Variants in LRRC4C observed in about 807,000 individuals in gnomAD.
LRRC4C encodes leucine-rich repeat-containing protein 4C.
LRRC4C carries 5 observed loss-of-function variants against 33.6 expected under a neutral mutation model. That is an observed-to-expected ratio of 0.15 (90% CI 0.08 to 0.31). The LOEUF (loss-of-function observed/expected upper bound fraction) is 0.31. Among genes scored for constraint, LRRC4C ranks in the 10% least tolerant of loss-of-function variants. LRRC4C has a pLI of 1.00. For missense variants in LRRC4C, 560 were observed against 796.7 expected, an observed-to-expected ratio of 0.70 and a Z score of 3.58; for synonymous variants, 329 against 302.0, an observed-to-expected ratio of 1.09 and a Z score of -0.93.
chr11:40,558,934 A>G (rs1957436613), intron 3 of LRRC4C, among the ~76,000 whole-genome samples: 1 of 152,080 alleles, frequency 6.6e-6, no homozygotes. Context: ...TTTAGCTCCG[A>G]CTTGTAAGTG....
intron 1 of LRRC4C, among the ~76,000 whole-genome samples, chr11:41,431,759 C>T (rs1955244751): frequency 6.6e-6 from 1 of 152,040 alleles, no homozygotes; most frequent in Non-Finnish European, 1.5e-5. Context: ...TAAACACATG[C>T]AGATAACCAA....
In LRRC4C at chr11:40,320,834, A is replaced by T. The variant is rs138330435; in HGVS notation, c.-269-1113T>A. On this transcript the variant is annotated intron_variant, in intron 3 of 6. Coordinates refer to ENST00000528697, the MANE Select transcript of LRRC4C (RefSeq NM_001258419.2). ...ATGATCAGGAAGATTTTGTGGAAGC[A>T]AAACTCCCATGCTTAAATAAAGCCT... is the stretch of plus-strand genomic sequence containing the variant. 4.0e-3 allele frequency among the ~76,000 whole-genome samples: 603 copies of T among 152,320 alleles called. 7 individuals carry two copies. The highest frequency in any genetic ancestry group is 0.014 in the African/African-American group (576 of 41,572).
At chr11:40,907,808 C>T (rs766107164) in intron 2 of LRRC4C, among the ~76,000 whole-genome samples, 24 of 152,292 alleles carry the variant, frequency 1.6e-4, no homozygotes, top group East Asian at 1.2e-3. Context: ...TTCTCTAAGT[C>T]GCTTAAAAGC....
intron 3 of LRRC4C, among the ~76,000 whole-genome samples, chr11:40,491,868 G>A (rs1954177423): frequency 6.6e-6 from 1 of 152,094 alleles, no homozygotes; most frequent in South Asian, 2.1e-4. Context: ...ATTACACAGG[G>A]TGAGTACACC....
At chr11:40,150,509 C>T (rs1005007970) in intron 5 of LRRC4C, among the ~76,000 whole-genome samples, 8 of 152,338 alleles carry the variant, frequency 5.3e-5, no homozygotes, top group Non-Finnish European at 7.4e-5. Context: ...AGCTACATTG[C>T]GGTAGCATGA....
rs531525825 is a variant in LRRC4C, at chr11:40,911,778, AAAG to A, written c.-407+21854_-407+21856del. Among the ~76,000 whole-genome samples, 18 of 152,336 alleles carry A rather than the reference AAAG, an allele frequency of 1.2e-4. No individual in the cohort carries two copies. In the South Asian group the frequency reaches 3.5e-3, roughly 30 times the overall value. On this transcript the variant is annotated intron_variant, in intron 2 of 6. Coordinates refer to ENST00000528697, the MANE Select transcript of LRRC4C (RefSeq NM_001258419.2). Reference sequence around the variant, plus strand: ...AAAGGAGGAAGTTCGAACCCATGGCAAAGAAGTTAAAAACCTTGAAAACAGATT... The same window carrying A: ...AAAGGAGGAAGTTCGAACCCATGGCAAAGTTAAAAACCTTGAAAACAGATT...
At chr11:40,611,184 G>A (rs7124830) in intron 3 of LRRC4C, among the ~76,000 whole-genome samples, 65,558 of 151,558 alleles carry the variant, frequency 0.43, 15,243 homozygotes, top group Middle Eastern at 0.57. Context: ...GACATATACC[G>A]ATGAAACAGA....
chr11:41,417,803 T>C (rs1954738094), intron 1 of LRRC4C, among the ~76,000 whole-genome samples: 2 of 152,008 alleles, frequency 1.3e-5, no homozygotes, highest in South Asian at 4.1e-4. Context: ...TCCCTGATGC[T>C]CATTTTTCTG....
intron 1 of LRRC4C, among the ~76,000 whole-genome samples, chr11:41,244,147 C>T (rs1349624834): frequency 6.8e-6 from 1 of 146,082 alleles, no homozygotes. Flanking sequence ...TTTCATGCTA[C>T]CATGTTAGTT....
At chr11:41,395,839 CA>C (rs1383174930) in intron 1 of LRRC4C, among the ~76,000 whole-genome samples, 2 of 152,018 alleles carry the variant, frequency 1.3e-5, no homozygotes, top group Non-Finnish European at 2.9e-5. Context: ...CATTAAATAC[CA>C]ATCTTCTAAC....
chr11:40,792,070 T>A (rs890799109), intron 2 of LRRC4C, among the ~76,000 whole-genome samples: 1 of 152,152 alleles, frequency 6.6e-6, no homozygotes, highest in African/African-American at 2.4e-5. Context: ...CTTTTTTAAC[T>A]ATAAGCATCA....
chr11:41,457,449 T>A (rs1355878031), intron 1 of LRRC4C, among the ~76,000 whole-genome samples: 1 of 152,152 alleles, frequency 6.6e-6, no homozygotes, highest in Non-Finnish European at 1.5e-5. Context: ...TACCCTGCCA[T>A]GACCCATTGG....
At chr11:41,332,557 C>T (rs189675706) in intron 1 of LRRC4C, among the ~76,000 whole-genome samples, 116 of 152,234 alleles carry the variant, frequency 7.6e-4, no homozygotes, top group African/African-American at 2.7e-3. Flanking sequence ...AATGTTCAGA[C>T]TAAAATACAC....
At chr11:40,241,186 G>A (rs2136094286) in intron 5 of LRRC4C, among the ~76,000 whole-genome samples, 1 of 152,104 alleles carries the variant, frequency 6.6e-6, no homozygotes, top group African/African-American at 2.4e-5. Context: ...AGGCAGGAGT[G>A]CCTGCAAAAC....
chr11:40,288,083 C>T (rs145176401), intron 4 of LRRC4C, among the ~76,000 whole-genome samples: 10 of 152,282 alleles, frequency 6.6e-5, no homozygotes, highest in South Asian at 2.1e-4. Flanking sequence ...CTCATCCTCA[C>T]GGCAGACAGT....
chr11:40,324,559 G>A (rs1946005497), intron 3 of LRRC4C, among the ~76,000 whole-genome samples: 1 of 152,166 alleles, frequency 6.6e-6, no homozygotes, highest in African/African-American at 2.4e-5. Flanking sequence ...AATAAATTGA[G>A]CACTAACTAT....
At chr11:41,297,091 A>C (rs1307711102) in intron 1 of LRRC4C, among the ~76,000 whole-genome samples, 1 of 152,218 alleles carries the variant, frequency 6.6e-6, no homozygotes, top group East Asian at 1.9e-4. Flanking sequence ...TTTATCAAGA[A>C]AGAATCTTGG....
At chr11:41,239,989 A>G (rs1233025872) in intron 1 of LRRC4C, among the ~76,000 whole-genome samples, 1 of 152,176 alleles carries the variant, frequency 6.6e-6, no homozygotes, top group Non-Finnish European at 1.5e-5. Context: ...CATTCTGGCT[A>G]TTAAAAATTG....
chr11:40,408,934 G>C (rs554679281), intron 3 of LRRC4C, among the ~76,000 whole-genome samples: 104 of 151,962 alleles, frequency 6.8e-4, no homozygotes, highest in African/African-American at 2.4e-3. Flanking sequence ...GACCACAAAA[G>C]ACTCTGAATA....
Sources: allele counts gnomAD v4.1 joint callset (sites outside exome capture counted in the v4.1 genomes callset), GRCh38; gene constraint gnomAD v4.1.1; transcripts MANE v1.5; gene names NCBI Gene and HGNC (gene_info 2026-07-23, HGNC 2026-07-21).